The following TOGARAM1 variants were observed in gnomAD, a reference collection of about 807,000 sequenced individuals.
TOGARAM1 encodes TOG array regulator of axonemal microtubules protein 1.
In TOGARAM1, 100 loss-of-function variants were observed where a neutral mutation model predicts 166.6. The observed-to-expected ratio is 0.60, with a 90% CI of 0.51 to 0.71. The LOEUF (loss-of-function observed/expected upper bound fraction) is 0.71, where lower values mean the gene tolerates loss of function less well. Ranked by LOEUF, TOGARAM1 falls within the 30% of genes least tolerant of loss-of-function variation. The pLI is 0.00. For missense variants in TOGARAM1, 2,029 were observed against 2,102.7 expected (o/e 0.96, Z 0.69); for synonymous variants, 758 against 763.8 (o/e 0.99, Z 0.13).
Position 44,964,355 on chromosome 14 carries a change from G to C in TOGARAM1, c.1934G>C (p.Cys645Ser). Residue 645 changes from cysteine (C) to serine (S), a missense_variant, in exon 1 of 20, where the codon TGT becomes TCT. Physicochemically the swap from Cys to Ser is moderately radical, Grantham distance 112. Transcript: ENST00000361462. ...HIYGSYSPTI[C>S]TRRVLSAGKG... ...TATGGATCTTACAGCCCAACTATCT[G>C]TACCCGAAGGGTATTAAGTGCAGGA... The C allele has an allele frequency of 6.2e-7, 1 of 1,614,162 alleles. No individual in the cohort carries two copies. Among genetic ancestry groups the C allele is most frequent in the Non-Finnish European group, 8.5e-7 (1 of 1,180,024 alleles).
chr14:45,032,014 G>A (rs1225934480), intron 10 of TOGARAM1, among the ~76,000 whole-genome samples: 1 of 152,062 alleles, frequency 6.6e-6, no homozygotes, highest in Non-Finnish European at 1.5e-5. Flanking sequence ...ACAAAAATTA[G>A]CTGGGCATTG....
intron 1 of TOGARAM1, among the ~76,000 whole-genome samples, chr14:44,989,775 A>G (rs1397029903): frequency 2.0e-5 from 3 of 152,166 alleles, no homozygotes; most frequent in African/African-American, 4.8e-5. Context: ...CCAATAAACT[A>G]TAATAGTCCA....
At chr14:44,965,176 G>A (rs1042575137) in intron 1 of TOGARAM1, among the ~76,000 whole-genome samples, 7 of 152,042 alleles carry the variant, frequency 4.6e-5, no homozygotes, top group Non-Finnish European at 1.0e-4. Context: ...GATATCTTGA[G>A]ATTTCACTCC....
chr14:44,995,934 G>T, intron 2 of TOGARAM1, 32 bp downstream of exon 2: 1 of 1,559,654 alleles, frequency 6.4e-7, no homozygotes, highest in South Asian at 1.2e-5. Context: ...TGGTCATGTT[G>T]AACTAACAGA....
intron 16 of TOGARAM1, among the ~76,000 whole-genome samples, chr14:45,064,517 C>G (rs2138999052): frequency 6.6e-6 from 1 of 152,186 alleles, no homozygotes; most frequent in East Asian, 1.9e-4. Context: ...GTCATCCAGG[C>G]TGGAGTGCAA....
intron 1 of TOGARAM1, among the ~76,000 whole-genome samples, chr14:44,984,932 G>C (rs1331942496): frequency 6.6e-6 from 1 of 152,038 alleles, no homozygotes; most frequent in Non-Finnish European, 1.5e-5. Flanking sequence ...TCAGCTTTAT[G>C]TATTAAATAC....
chr14:44,998,198 G>T (rs535577763), intron 2 of TOGARAM1, among the ~76,000 whole-genome samples: 4 of 152,292 alleles, frequency 2.6e-5, no homozygotes, highest in African/African-American at 9.6e-5. Context: ...AATATGTCCA[G>T]TTATGTTTGT....
At chr14:44,985,806 A>G (rs1273083623) in intron 1 of TOGARAM1, among the ~76,000 whole-genome samples, 2 of 152,186 alleles carry the variant, frequency 1.3e-5, no homozygotes, top group Non-Finnish European at 2.9e-5. Flanking sequence ...TATAAATATA[A>G]GACACAAGAG....
chr14:44,976,251 T>C (rs568686063), intron 1 of TOGARAM1, among the ~76,000 whole-genome samples: 1 of 152,334 alleles, frequency 6.6e-6, no homozygotes, highest in South Asian at 2.1e-4. Flanking sequence ...ATTCGTTGCC[T>C]ATCTACATTT....
At chr14:45,022,630 G>A (rs1594665424) in intron 7 of TOGARAM1, among the ~76,000 whole-genome samples, 1 of 151,612 alleles carries the variant, frequency 6.6e-6, no homozygotes, top group African/African-American at 2.4e-5. Flanking sequence ...ATCCTGAGGG[G>A]AGGAAACTAT....
chr14:44,998,167 A>G (rs895098124), intron 2 of TOGARAM1, among the ~76,000 whole-genome samples: 1 of 152,210 alleles, frequency 6.6e-6, no homozygotes, highest in African/African-American at 2.4e-5. Flanking sequence ...TTATTGTTTA[A>G]TAGAGAAGGA....
intron 11 of TOGARAM1, among the ~76,000 whole-genome samples, chr14:45,036,418 A>G (rs1367894561): frequency 6.6e-6 from 1 of 152,172 alleles, no homozygotes; most frequent in Non-Finnish European, 1.5e-5. Context: ...ACCTATAAGA[A>G]ATTCTGTTTA....
chr14:45,003,207 T>G (rs773986836), intron 3 of TOGARAM1, among the ~76,000 whole-genome samples: 7 of 152,110 alleles, frequency 4.6e-5, no homozygotes. Flanking sequence ...AAATAAAGGA[T>G]ATATAATATA....
At chr14:45,046,463 C>G (rs1882071273) in intron 13 of TOGARAM1, 82 bp from the exon 14 acceptor site, 11 of 1,203,242 alleles carry the variant, frequency 9.1e-6, no homozygotes, top group Non-Finnish European at 1.2e-5. Flanking sequence ...TACAAACAAA[C>G]AAAAACAACC....
Position 45,006,003 on chromosome 14 carries a change from T to C in TOGARAM1, c.2645-5T>C, listed in dbSNP as rs1214302821. On this transcript the variant is annotated splice_region_variant and splice_polypyrimidine_tract_variant and intron_variant, in intron 4 of 19. Coordinates refer to ENST00000361462, the MANE Select transcript of TOGARAM1 (RefSeq NM_001308120.2). ...GAAAAAGTAAAATATCTATTTTTCA[T>C]GCAGGAGAAAATTCTCAAGAAAAAC... is the stretch of plus-strand genomic sequence containing the variant. The C allele has an allele frequency of 6.5e-7, 1 of 1,536,384 alleles. No individual in the cohort carries two copies. The highest frequency in any genetic ancestry group is 2.3e-5 in the East Asian group (1 of 44,042).
Position 45,046,720 on chromosome 14 carries a change from G to A in TOGARAM1, c.4313+17G>A, listed in dbSNP as rs535658188. ...AGAAACCAGGTGAATATCTGCTAAT[G>A]TTTGCTAAATCTATTATTAATAAGG... On this transcript the variant is annotated intron_variant, in intron 14 of 19. Coordinates refer to ENST00000361462, the MANE Select transcript of TOGARAM1 (RefSeq NM_001308120.2). The A allele has an allele frequency of 3.7e-4, 467 of 1,261,574 alleles. 3 individuals are homozygous for A. The African/African-American group carries it at 6.4e-3, about 17-fold the overall frequency. 78.1% of individuals were successfully genotyped at this position (1,261,574 alleles called of 1,614,324 possible). A position where few individuals can be genotyped will look rare whatever the true frequency, so the allele number is the denominator to read the frequency against.
intron 1 of TOGARAM1, among the ~76,000 whole-genome samples, chr14:44,984,568 C>G (rs1886688108): frequency 1.3e-5 from 2 of 151,394 alleles, no homozygotes; most frequent in African/African-American, 4.8e-5. Context: ...TGGAGGATCA[C>G]TTGAGGCCTG....
intron 2 of TOGARAM1, chr14:44,997,404 C>CAAAAAAAA (rs1167788236): frequency 4.8e-5 from 1 of 20,854 alleles, no homozygotes; most frequent in East Asian, 1.3e-3. Context: ...GACTCCATCT[C>CAAAAAAAA]AAAAAAAAAA....
At chr14:45,072,162 A>T (rs1002132589) in intron 19 of TOGARAM1, among the ~76,000 whole-genome samples, 3 of 152,184 alleles carry the variant, frequency 2.0e-5, no homozygotes, top group African/African-American at 7.2e-5. Context: ...GCCTTAACAA[A>T]ACTGCTTCAA....
Sources: allele counts gnomAD v4.1 joint callset (sites outside exome capture counted in the v4.1 genomes callset), GRCh38; gene constraint gnomAD v4.1.1; transcripts MANE v1.5; gene names NCBI Gene and HGNC (gene_info 2026-07-23, HGNC 2026-07-21).